ATG14: variants seen among roughly 807,000 people sequenced by gnomAD.
ATG14 encodes the protein beclin 1-associated autophagy-related key regulator.
Under a neutral mutation model 60.4 loss-of-function variants are expected in ATG14, and 35 were observed. The observed-to-expected ratio is 0.58, with a 90% CI of 0.44 to 0.77. The LOEUF (loss-of-function observed/expected upper bound fraction) is 0.77. ATG14 is among the 30% of genes least tolerant of loss of function. The pLI is 0.00. For missense variants in ATG14, 647 were observed against 626.3 expected, an observed-to-expected ratio of 1.03 and a Z score of -0.35; for synonymous variants, 234 against 228.8, an observed-to-expected ratio of 1.02 and a Z score of -0.21.
Position 55,391,900 on chromosome 14 carries a change from C to T in ATG14, c.328-908G>A, listed in dbSNP as rs77669563. Among the ~76,000 whole-genome samples, 147 of 152,306 alleles carry T rather than the reference C, an allele frequency of 9.7e-4. 4 individuals are homozygous for T. The East Asian group carries it at 0.02, about 20-fold the overall frequency. ...AAAACATTATTTTTTCAGTGCATAA[C>T]TCAAGTAAGATTTCCTGAAAAGCCT... On this transcript the variant is annotated intron_variant, in intron 3 of 9. Coordinates refer to ENST00000247178, the MANE Select transcript of ATG14 (RefSeq NM_014924.5).
chr14:55,394,227 G>A (rs1847491515), intron 3 of ATG14, among the ~76,000 whole-genome samples: 1 of 151,112 alleles, frequency 6.6e-6, no homozygotes, highest in Admixed American at 6.6e-5. Flanking sequence ...GGCTGGTCTC[G>A]AACTCCTGAC....
intron 3 of ATG14, among the ~76,000 whole-genome samples, chr14:55,391,844 A>G (rs1885223975): frequency 6.6e-6 from 1 of 152,210 alleles, no homozygotes; most frequent in Non-Finnish European, 1.5e-5. Context: ...CCAATAAGCA[A>G]CTAGTACTTG....
Position 55,382,107 on chromosome 14 carries a change from A to G in ATG14, c.732T>C (p.Thr244=), listed in dbSNP as rs1885045459. 2 of 1,614,052 alleles carry G rather than the reference A, an allele frequency of 1.2e-6. No individual in the cohort carries two copies. Among genetic ancestry groups the G allele is most frequent in the East Asian group, 4.5e-5 (2 of 44,880 alleles). ...CACAGACCCATCGTCCTGAGAGGTA[A>G]GTTGTCCTCCGGGCTTCAGCAAGCT... The part of the protein sequence containing the change: ...VSKLAEARRT[T]YLSGRWVCDD... The change falls in exon 6 of 10, where the codon ACT becomes ACC. Residue 244 remains threonine (T), a synonymous_variant. Coordinates refer to ENST00000247178, the MANE Select transcript of ATG14 (RefSeq NM_014924.5).
chr14:55,381,367 TA>T (rs1356861515), intron 6 of ATG14, among the ~76,000 whole-genome samples: 2 of 152,218 alleles, frequency 1.3e-5, no homozygotes, highest in African/African-American at 4.8e-5. Flanking sequence ...TTAGGACTAC[TA>T]AAACACATTA....
At chr14:55,402,580 C>T (rs541512582) in intron 1 of ATG14, among the ~76,000 whole-genome samples, 1 of 151,684 alleles carries the variant, frequency 6.6e-6, no homozygotes, top group African/African-American at 2.4e-5. Flanking sequence ...ATATTTTTAT[C>T]GGCAAAGATA....
chr14:55,378,778 A>G (rs1884970345), intron 7 of ATG14, among the ~76,000 whole-genome samples: 1 of 152,090 alleles, frequency 6.6e-6, no homozygotes. Context: ...AGCTCACTAC[A>G]GCCTGCAGCC....
intron 5 of ATG14, among the ~76,000 whole-genome samples, chr14:55,382,768 A>C (rs917456026): frequency 6.6e-6 from 1 of 152,226 alleles, no homozygotes; most frequent in African/African-American, 2.4e-5. Context: ...GTAGGGCTGA[A>C]CATATAAGGT....
At chr14:55,387,946 G>A (rs1010651668) in intron 4 of ATG14, among the ~76,000 whole-genome samples, 1 of 152,184 alleles carries the variant, frequency 6.6e-6, no homozygotes, top group Non-Finnish European at 1.5e-5. Flanking sequence ...ATAGGCATGA[G>A]CCACTGCACC....
intron 3 of ATG14, among the ~76,000 whole-genome samples, chr14:55,391,720 G>A (rs560737239): frequency 2.2e-4 from 33 of 152,240 alleles, no homozygotes; most frequent in African/African-American, 7.9e-4. Flanking sequence ...CTAATGGACT[G>A]GACAGCGCAG....
intron 4 of ATG14, 145 bp downstream of exon 4, chr14:55,390,766 G>T: frequency 1.6e-6 from 1 of 613,980 alleles, no homozygotes. Context: ...TGTTTTACAA[G>T]GAAAGATGAG....
chr14:55,407,732 T>C (rs1216243227), intron 1 of ATG14, among the ~76,000 whole-genome samples: 2 of 152,142 alleles, frequency 1.3e-5, no homozygotes, highest in African/African-American at 4.8e-5. Context: ...ATAAATAATA[T>C]TACACATTGT....
At chr14:55,406,629 T>C (rs1042106124) in intron 1 of ATG14, among the ~76,000 whole-genome samples, 2 of 152,166 alleles carry the variant, frequency 1.3e-5, no homozygotes, top group Admixed American at 1.3e-4. Context: ...CATTAAAAAA[T>C]ATCTGGCTAT....
At chr14:55,378,167 A>G in intron 7 of ATG14, 93 bp from the exon 8 acceptor site, 1 of 1,011,432 alleles carries the variant, frequency 9.9e-7, no homozygotes, top group Non-Finnish European at 1.5e-6. Context: ...TATAACACAT[A>G]CTCTGTGCCC....
At position 55,377,919 on chromosome 14, in the gene ATG14, A is replaced by C; in HGVS notation, c.1087-15T>G. ...AAATTTACATGCTAAAAAAAATTAA[A>C]GAATTGGTTAATATTTTCAACTATT... On this transcript the variant is annotated splice_polypyrimidine_tract_variant and intron_variant, in intron 8 of 9. Coordinates refer to ENST00000247178, the MANE Select transcript of ATG14 (RefSeq NM_014924.5). 2.5e-6 allele frequency: 4 copies of C among 1,595,780 alleles called. No homozygotes were observed. Among genetic ancestry groups the C allele is most frequent in the Non-Finnish European group, 2.6e-6 (3 of 1,172,476 alleles).
chr14:55,379,640 T>C (rs1884991110), intron 7 of ATG14, among the ~76,000 whole-genome samples: 1 of 152,252 alleles, frequency 6.6e-6, no homozygotes, highest in African/African-American at 2.4e-5. Flanking sequence ...TATGTTTATA[T>C]ATGCTTGAAA....
intron 1 of ATG14, among the ~76,000 whole-genome samples, chr14:55,398,280 T>C (rs1375491738): frequency 1.3e-5 from 2 of 152,106 alleles, no homozygotes; most frequent in Non-Finnish European, 1.5e-5. Context: ...GCCAGTTTTC[T>C]ATCTTTATTT....
intron 1 of ATG14, among the ~76,000 whole-genome samples, chr14:55,411,396 G>C (rs945830423): frequency 3.3e-5 from 5 of 152,170 alleles, no homozygotes; most frequent in African/African-American, 1.2e-4. Flanking sequence ...GTGGGTGATG[G>C]GGAAACGGCG....
intron 9 of ATG14, among the ~76,000 whole-genome samples, chr14:55,370,339 T>A (rs146983002): frequency 1.7e-4 from 26 of 152,292 alleles, no homozygotes; most frequent in African/African-American, 6.0e-4. Flanking sequence ...TATTATTTAG[T>A]GTAATAAGTA....
chr14:55,396,621 A>G (rs1885317740), intron 2 of ATG14, among the ~76,000 whole-genome samples: 1 of 152,196 alleles, frequency 6.6e-6, no homozygotes, highest in African/African-American at 2.4e-5. Flanking sequence ...AGATGCCACA[A>G]AAGAGACAAC....
Sources: allele counts gnomAD v4.1 joint callset (sites outside exome capture counted in the v4.1 genomes callset), GRCh38; gene constraint gnomAD v4.1.1; transcripts MANE v1.5; gene names NCBI Gene and HGNC (gene_info 2026-07-23, HGNC 2026-07-21).